ETNK1: variants seen among roughly 807,000 people sequenced by gnomAD.
ETNK1 encodes putative protein product of Nbla10396.
ETNK1 carries 8 observed loss-of-function variants against 45.1 expected under a neutral mutation model. The ratio of observed to expected loss-of-function variants is 0.18; its 90% CI spans 0.10 to 0.32. The LOEUF (loss-of-function observed/expected upper bound fraction) is 0.32. Among genes scored for constraint, ETNK1 ranks in the 10% least tolerant of loss-of-function variants. The pLI, the probability that ETNK1 is intolerant of heterozygous loss-of-function variation, is 1.00. For synonymous variants in ETNK1, 152 were observed against 151.9 expected, an observed-to-expected ratio of 1.00 and a Z score of -0.01; for missense variants, 302 against 430.6, an observed-to-expected ratio of 0.70 and a Z score of 2.64.
intron 4 of ETNK1, among the ~76,000 whole-genome samples, chr12:22,667,828 T>C (rs949661171): frequency 2.6e-5 from 4 of 152,166 alleles, no homozygotes; most frequent in Non-Finnish European, 5.9e-5. Context: ...GGTAATACAT[T>C]ATTATTTTTT....
intron 4 of ETNK1, among the ~76,000 whole-genome samples, chr12:22,664,332 T>C (rs1195705082): frequency 6.6e-6 from 1 of 152,034 alleles, no homozygotes; most frequent in African/African-American, 2.4e-5. Context: ...AGGACTTAAT[T>C]AACAGATATG....
chr12:22,658,914 ATTCGGG>A, intron 2 of ETNK1, 94 bp from the exon 3 acceptor site: 1 of 1,250,898 alleles, frequency 8.0e-7, no homozygotes, highest in Middle Eastern at 2.4e-4. Flanking sequence ...CTACAAGAAG[ATTCGGG>A]AGACTGACTA....
chr12:22,652,088 T>A (rs1350703195), intron 2 of ETNK1, among the ~76,000 whole-genome samples: 1 of 152,152 alleles, frequency 6.6e-6, no homozygotes, highest in African/African-American at 2.4e-5. Context: ...AGGTACATCA[T>A]GTTAGTGGAA....
intron 2 of ETNK1, among the ~76,000 whole-genome samples, chr12:22,658,072 G>A (rs1953961809): frequency 6.6e-6 from 1 of 152,082 alleles, no homozygotes; most frequent in Non-Finnish European, 1.5e-5. Flanking sequence ...TCAGAATTTC[G>A]TTAGTACCTA....
At position 22,625,455 on chromosome 12, in the gene ETNK1, C is replaced by G. The variant is rs567759665; in HGVS notation, c.25C>G (p.Pro9Ala). The G allele has an allele frequency of 1.6e-5, 25 of 1,596,210 alleles. No individual in the cohort carries two copies. In the Middle Eastern group the frequency reaches 5.0e-4, roughly 32 times the overall value. MANYIHVP[P>A]GSPEVPKLNV... ...CATGGCCAATTACATCCACGTCCCT[C>G]CCGGCTCCCCGGAGGTGCCCAAGCT... The change falls in exon 1 of 8, where the codon CCC (proline) becomes GCC (alanine). Residue 9 changes from proline to alanine, a missense_variant. Physicochemically the swap from Pro to Ala is conservative, Grantham distance 27. Coordinates refer to ENST00000266517, the MANE Select transcript of ETNK1 (RefSeq NM_018638.5).
intron 2 of ETNK1, chr12:22,656,555 C>G: frequency 1.0e-6 from 1 of 985,352 alleles, no homozygotes; most frequent in African/African-American, 1.7e-5. Context: ...AACTACTGTG[C>G]CGAGCCCTCC....
At chr12:22,671,145 A>G in intron 4 of ETNK1, 127 bp from the exon 5 acceptor site, 1 of 738,184 alleles carries the variant, frequency 1.4e-6, no homozygotes, top group Non-Finnish European at 2.4e-6. Flanking sequence ...GTATTGTCTC[A>G]CAAGTGCATG....
intron 4 of ETNK1, among the ~76,000 whole-genome samples, chr12:22,666,642 A>C (rs1400630712): frequency 1.3e-5 from 2 of 152,158 alleles, no homozygotes; most frequent in Non-Finnish European, 2.9e-5. Flanking sequence ...TTTAACTTTA[A>C]ATTTCAGTAA....
At position 22,634,335 on chromosome 12, in the gene ETNK1, A is replaced by G. The variant is rs147426824; in HGVS notation, c.156+8749A>G. 2.8e-4 allele frequency among the ~76,000 whole-genome samples: 43 copies of G among 152,218 alleles called. 1 individual carries two copies. The highest frequency in any genetic ancestry group is 9.6e-4 in the African/African-American group (40 of 41,550). On this transcript the variant is annotated intron_variant, in intron 1 of 7. Transcript: ENST00000266517. ...TAGTCTCTTTTTTATTACTGTATCA[A>G]TTGCTAATATTTTGATTAGGATTTT...
intron 7 of ETNK1, 125 bp from the exon 8 acceptor site, chr12:22,684,757 T>A (rs1592139607): frequency 1.2e-6 from 1 of 837,784 alleles, no homozygotes; most frequent in East Asian, 2.7e-5. Flanking sequence ...TGCAATAAAC[T>A]AAAAATATGT....
intron 1 of ETNK1, among the ~76,000 whole-genome samples, chr12:22,636,604 A>G (rs534119083): frequency 1.5e-4 from 23 of 152,298 alleles, no homozygotes; most frequent in African/African-American, 4.8e-4. Context: ...TAAGCAGCAT[A>G]TAGAGTTGTC....
At chr12:22,683,350 G>C (rs1254554309) in intron 6 of ETNK1, among the ~76,000 whole-genome samples, 2 of 151,682 alleles carry the variant, frequency 1.3e-5, no homozygotes, top group Admixed American at 1.3e-4. Context: ...GAACTCCTGA[G>C]CTCTAGTGAT....
intron 3 of ETNK1, among the ~76,000 whole-genome samples, chr12:22,660,046 A>C (rs905540756): frequency 3.3e-5 from 5 of 151,742 alleles, no homozygotes; most frequent in African/African-American, 4.8e-5. Flanking sequence ...AAAAAAAAAA[A>C]AAAAAAAAAC....
chr12:22,651,207 A>G (rs916651547), intron 2 of ETNK1, among the ~76,000 whole-genome samples: 14 of 152,352 alleles, frequency 9.2e-5, no homozygotes, highest in African/African-American at 3.4e-4. Flanking sequence ...TGCCTTTTGC[A>G]TAAAGCATGT....
At chr12:22,634,472 A>T (rs1455964548) in intron 1 of ETNK1, among the ~76,000 whole-genome samples, 1 of 152,134 alleles carries the variant, frequency 6.6e-6, no homozygotes, top group Non-Finnish European at 1.5e-5. Context: ...TTTTTGGAAG[A>T]GTTGCTTTTA....
At chr12:22,655,748 T>C (rs1953933027) in intron 2 of ETNK1, among the ~76,000 whole-genome samples, 1 of 152,086 alleles carries the variant, frequency 6.6e-6, no homozygotes, top group South Asian at 2.1e-4. Flanking sequence ...TCCTGGTGTT[T>C]GGGGACATAT....
intron 1 of ETNK1, chr12:22,625,847 G>C (rs779614596): frequency 1.5e-6 from 1 of 687,864 alleles, no homozygotes; most frequent in South Asian, 1.5e-5. Context: ...CCATCCACGG[G>C]GGGAGATTCC....
chr12:22,644,892 G>T (rs919857888), intron 2 of ETNK1, among the ~76,000 whole-genome samples: 26 of 151,970 alleles, frequency 1.7e-4, no homozygotes, highest in African/African-American at 6.0e-4. Context: ...CGGATGGCCC[G>T]GGGCTCCCTG....
Position 22,674,685 on chromosome 12 carries a change from C to T in ETNK1, c.945+1025C>T, listed in dbSNP as rs949551073. Among the ~76,000 whole-genome samples the T allele has an allele frequency of 5.3e-5, 8 of 152,160 alleles. No homozygotes were observed. The East Asian group carries it at 1.5e-3, about 29-fold the overall frequency. Reference sequence around the variant, plus strand: ...GATTCAGCCTAATATTCCATTTATGCATTGAATTAGTTAATTTCCAGGTAA... The same window carrying T: ...GATTCAGCCTAATATTCCATTTATGTATTGAATTAGTTAATTTCCAGGTAA... On this transcript the variant is annotated intron_variant, in intron 6 of 7. Transcript: ENST00000266517.
Sources: gnomAD v4.1 joint callset for allele counts (sites outside exome capture counted in the v4.1 genomes callset) on GRCh38, gnomAD v4.1.1 for gene constraint, MANE v1.5 for transcripts, NCBI Gene and HGNC (gene_info 2026-07-23, HGNC 2026-07-21) for gene names.